Variants in DLG2 observed in about 807,000 individuals in gnomAD.
DLG2 encodes disks large homolog 2.
A neutral mutation model predicts 132.5 loss-of-function variants in DLG2; 45 were observed. The observed-to-expected ratio is 0.34, with a 90% confidence interval of 0.27 to 0.44. DLG2 has a LOEUF of 0.44. Among genes scored for constraint, DLG2 ranks in the 20% least tolerant of loss-of-function variants. The pLI is 1.00. For missense variants in DLG2, 1,045 were observed against 1,196.9 expected, an observed-to-expected ratio of 0.87 and a Z score of 1.87; for synonymous variants, 424 against 419.6, an observed-to-expected ratio of 1.01 and a Z score of -0.13.
At chr11:85,462,815 T>G (rs7104879) in intron 3 of DLG2, among the ~76,000 whole-genome samples, 1 of 150,512 alleles carries the variant, frequency 6.6e-6, no homozygotes, top group South Asian at 2.1e-4. Flanking sequence ...AAAAAAAAAA[T>G]GAAAACCTAA....
intron 3 of DLG2, among the ~76,000 whole-genome samples, chr11:85,353,927 T>C (rs1219239245): frequency 1.3e-5 from 2 of 151,766 alleles, no homozygotes; most frequent in East Asian, 1.9e-4. Context: ...ACATGGCGCA[T>C]GTATACATGT....
chr11:84,279,024 C>T (rs1324232805), intron 7 of DLG2, among the ~76,000 whole-genome samples: 2 of 152,046 alleles, frequency 1.3e-5, no homozygotes, highest in African/African-American at 4.8e-5. Context: ...TCAGAGTAAA[C>T]AGGTAACCTA....
At chr11:84,246,422 G>T (rs372781747) in intron 8 of DLG2, among the ~76,000 whole-genome samples, 3 of 152,192 alleles carry the variant, frequency 2.0e-5, no homozygotes, top group African/African-American at 7.2e-5. Flanking sequence ...CTGTGTTCAA[G>T]TAACTCTTAT....
chr11:85,007,657 T>C (rs1592595054), intron 6 of DLG2, among the ~76,000 whole-genome samples: 1 of 85,980 alleles, frequency 1.2e-5, no homozygotes. Context: ...AGAGCAAGAC[T>C]CCGTCTCAAA....
At chr11:85,355,384 T>C (rs891581399) in intron 3 of DLG2, among the ~76,000 whole-genome samples, 1 of 152,084 alleles carries the variant, frequency 6.6e-6, no homozygotes, top group Non-Finnish European at 1.5e-5. Flanking sequence ...TACTTTCTTT[T>C]TTCCAAAAAT....
At chr11:84,733,593 T>C (rs2063442856) in intron 6 of DLG2, among the ~76,000 whole-genome samples, 2 of 152,206 alleles carry the variant, frequency 1.3e-5, no homozygotes, top group African/African-American at 4.8e-5. Flanking sequence ...AGGTTGCCTG[T>C]TCACTCTGAG....
At chr11:84,862,109 C>T (rs2083797610) in intron 6 of DLG2, among the ~76,000 whole-genome samples, 2 of 151,738 alleles carry the variant, frequency 1.3e-5, no homozygotes, top group African/African-American at 4.8e-5. Context: ...GTGCGTGCAG[C>T]GCACCAGCAT....
At chr11:83,790,773 G>T in intron 17 of DLG2, 1 of 759,970 alleles carries the variant, frequency 1.3e-6, no homozygotes. Flanking sequence ...GTTCTGGTCT[G>T]CCTGACTCTC....
intron 15 of DLG2, 61 bp from the exon 16 acceptor site, chr11:83,874,549 T>TTA (rs2064259440): frequency 3.8e-6 from 5 of 1,328,144 alleles, no homozygotes; most frequent in Admixed American, 2.4e-5. Context: ...TTTATTTTTT[T>TTA]ATTATACTTT....
At chr11:85,069,595 A>G (rs2065483762) in intron 6 of DLG2, among the ~76,000 whole-genome samples, 1 of 152,194 alleles carries the variant, frequency 6.6e-6, no homozygotes, top group Non-Finnish European at 1.5e-5. Context: ...AATCAAAACC[A>G]CAATGAGATA....
intron 11 of DLG2, among the ~76,000 whole-genome samples, chr11:84,049,371 A>C (rs779581693): frequency 6.6e-6 from 1 of 151,780 alleles, no homozygotes; most frequent in Non-Finnish European, 1.5e-5. Context: ...GATGCCTCCA[A>C]TTTCTTGTAC....
At chr11:84,786,727 A>G (rs1450834172) in intron 6 of DLG2, among the ~76,000 whole-genome samples, 3 of 152,194 alleles carry the variant, frequency 2.0e-5, no homozygotes, top group Admixed American at 6.5e-5. Flanking sequence ...GAATATTTCC[A>G]TTGCAGCAGC....
At chr11:84,091,958 C>A (rs1435021070) in intron 10 of DLG2, among the ~76,000 whole-genome samples, 1 of 152,158 alleles carries the variant, frequency 6.6e-6, no homozygotes, top group Non-Finnish European at 1.5e-5. Context: ...CACAGCCCCC[C>A]ATAGGTTCTT....
chr11:83,564,394 G>A (rs562638172), intron 19 of DLG2, among the ~76,000 whole-genome samples: 9 of 152,238 alleles, frequency 5.9e-5, no homozygotes, highest in South Asian at 4.2e-4. Flanking sequence ...TGACTAGCTC[G>A]TGGCCTTGCT....
At chr11:84,381,937 T>G (rs10792757) in intron 7 of DLG2, among the ~76,000 whole-genome samples, 1 of 152,088 alleles carries the variant, frequency 6.6e-6, no homozygotes, top group Non-Finnish European at 1.5e-5. Flanking sequence ...CTTCAGCTTC[T>G]GGAGCATGGG....
At chr11:84,299,222 G>T (rs937400467) in intron 7 of DLG2, among the ~76,000 whole-genome samples, 1 of 152,132 alleles carries the variant, frequency 6.6e-6, no homozygotes, top group Non-Finnish European at 1.5e-5. Flanking sequence ...CACTTAAAGT[G>T]AAGCCTTCTT....
intron 17 of DLG2, among the ~76,000 whole-genome samples, chr11:83,804,725 C>T (rs1370035241): frequency 1.3e-5 from 2 of 151,954 alleles, no homozygotes; most frequent in African/African-American, 2.4e-5. Context: ...AACCACAATG[C>T]CATTATTACT....
At chr11:83,876,715 AG>A (rs1479488483) in intron 15 of DLG2, among the ~76,000 whole-genome samples, 2 of 152,100 alleles carry the variant, frequency 1.3e-5, no homozygotes, top group African/African-American at 4.8e-5. Flanking sequence ...TCCAAACTAA[AG>A]CCTACCTTAT....
At chr11:85,069,630 A>C (rs953393728) in intron 6 of DLG2, among the ~76,000 whole-genome samples, 1 of 152,150 alleles carries the variant, frequency 6.6e-6, no homozygotes, top group African/African-American at 2.4e-5. Context: ...TTAGAATGGC[A>C]ATCATTAAAA....
Sources: gnomAD v4.1 joint callset for allele counts (sites outside exome capture counted in the v4.1 genomes callset) on GRCh38, gnomAD v4.1.1 for gene constraint, MANE v1.5 for transcripts, NCBI Gene and HGNC (gene_info 2026-07-23, HGNC 2026-07-21) for gene names.